PSMD14: variants seen among roughly 807,000 people sequenced by gnomAD.
PSMD14 encodes proteasome 26S subunit, non-ATPase 14.
PSMD14 carries 7 observed loss-of-function variants against 41.2 expected under a neutral mutation model. The ratio of observed to expected loss-of-function variants is 0.17; its 90% CI spans 0.10 to 0.32. The LOEUF is 0.32. PSMD14 is among the 10% of genes least tolerant of loss of function. PSMD14 has a pLI of 1.00. For synonymous variants in PSMD14, 114 were observed against 122.3 expected, an observed-to-expected ratio of 0.93 and a Z score of 0.45; for missense variants, 139 against 375.6, an observed-to-expected ratio of 0.37 and a Z score of 5.21.
At chr2:161,363,926 G>A (rs1683324423) in intron 3 of PSMD14, among the ~76,000 whole-genome samples, 1 of 152,206 alleles carries the variant, frequency 6.6e-6, no homozygotes, top group Non-Finnish European at 1.5e-5. Context: ...GGTGGCTTGT[G>A]TTAGACAGCT....
At chr2:161,389,204 T>G (rs1222553172) in intron 8 of PSMD14, among the ~76,000 whole-genome samples, 1 of 152,186 alleles carries the variant, frequency 6.6e-6, no homozygotes, top group African/African-American at 2.4e-5. Context: ...GGCTTCTGTA[T>G]GTATTGGCTA....
At chr2:161,310,362 C>CT (rs1167484063) in intron 1 of PSMD14, among the ~76,000 whole-genome samples, 2 of 152,076 alleles carry the variant, frequency 1.3e-5, no homozygotes, top group African/African-American at 2.4e-5. Context: ...AGCAACTGTG[C>CT]TTTTTTAATT....
chr2:161,329,224 A>G (rs1682751825), intron 3 of PSMD14, among the ~76,000 whole-genome samples: 1 of 152,178 alleles, frequency 6.6e-6, no homozygotes, highest in African/African-American at 2.4e-5. Flanking sequence ...ATGTTTTAAA[A>G]TAAATTACAG....
chr2:161,371,374 A>T, intron 7 of PSMD14, 52 bp downstream of exon 7: 1 of 1,507,608 alleles, frequency 6.6e-7, no homozygotes, highest in Non-Finnish European at 9.0e-7. Context: ...CTGTTTACAG[A>T]TACATTAAAT....
intron 3 of PSMD14, among the ~76,000 whole-genome samples, chr2:161,355,458 T>TC (rs1683182335): frequency 6.6e-6 from 1 of 152,168 alleles, no homozygotes; most frequent in Non-Finnish European, 1.5e-5. Flanking sequence ...TCTATAATGC[T>TC]TAAAATTGGC....
intron 3 of PSMD14, among the ~76,000 whole-genome samples, chr2:161,331,256 G>A (rs1466020711): frequency 6.7e-6 from 1 of 150,152 alleles, no homozygotes; most frequent in Non-Finnish European, 1.5e-5. Context: ...GATGTCTTTG[G>A]AATTTTTTTT....
intron 3 of PSMD14, among the ~76,000 whole-genome samples, chr2:161,324,240 A>G (rs1389294933): frequency 6.6e-6 from 1 of 152,244 alleles, no homozygotes; most frequent in African/African-American, 2.4e-5. Context: ...ATCAATGCCT[A>G]ATCCAGAGCC....
intron 7 of PSMD14, among the ~76,000 whole-genome samples, chr2:161,380,429 A>G (rs1309967610): frequency 6.6e-6 from 1 of 152,030 alleles, no homozygotes; most frequent in Non-Finnish European, 1.5e-5. Context: ...TCATTAAAGC[A>G]TATACGTTCA....
At chr2:161,391,051 T>C (rs1683704599) in intron 8 of PSMD14, 53 bp from the exon 9 acceptor site, 3 of 1,388,238 alleles carry the variant, frequency 2.2e-6, no homozygotes, top group South Asian at 1.7e-5. Flanking sequence ...TCAAACATTT[T>C]TATTAGGTGA....
chr2:161,411,280 T>C (rs765063565), intron 11 of PSMD14, 22 bp from the exon 12 acceptor site: 1 of 1,527,852 alleles, frequency 6.5e-7, no homozygotes, highest in South Asian at 1.2e-5. Flanking sequence ...TGTTTTCTCT[T>C]TCCTCATTTT....
At chr2:161,406,279 T>C (rs1240286547) in intron 10 of PSMD14, among the ~76,000 whole-genome samples, 1 of 152,170 alleles carries the variant, frequency 6.6e-6, no homozygotes, top group Non-Finnish European at 1.5e-5. Flanking sequence ...GTGCAGACCG[T>C]GCATGATGGG....
At chr2:161,365,183 G>A (rs13430019) in intron 3 of PSMD14, among the ~76,000 whole-genome samples, 43,854 of 152,100 alleles carry the variant, frequency 0.29, 6,850 homozygotes, top group East Asian at 0.54. Context: ...TTTCTTGTTA[G>A]TATGTTTCTG....
intron 3 of PSMD14, among the ~76,000 whole-genome samples, chr2:161,324,990 G>C (rs1340541991): frequency 6.6e-6 from 1 of 152,038 alleles, no homozygotes; most frequent in African/African-American, 2.4e-5. Flanking sequence ...CTTTTAGCCA[G>C]GTCCATTATT....
chr2:161,393,660 AAT>A (rs1467106573), intron 9 of PSMD14, among the ~76,000 whole-genome samples: 2 of 152,122 alleles, frequency 1.3e-5, no homozygotes, highest in East Asian at 3.9e-4. Flanking sequence ...TTTAAAGTAT[AAT>A]GGTTCTATTG....
At chr2:161,399,659 C>T (rs561524029) in intron 10 of PSMD14, among the ~76,000 whole-genome samples, 54 of 151,896 alleles carry the variant, frequency 3.6e-4, no homozygotes, top group Non-Finnish European at 7.2e-4. Context: ...GGTGTATAAA[C>T]ATGGAAAAGT....
intron 3 of PSMD14, among the ~76,000 whole-genome samples, chr2:161,357,790 C>T (rs927257262): frequency 6.6e-6 from 1 of 151,998 alleles, no homozygotes; most frequent in Non-Finnish European, 1.5e-5. Flanking sequence ...TTTTATGTAG[C>T]TTAAGTACCT....
At chr2:161,370,314 A>G in intron 6 of PSMD14, 137 bp downstream of exon 6, 1 of 665,096 alleles carries the variant, frequency 1.5e-6, no homozygotes, top group Non-Finnish European at 2.5e-6. Context: ...TGTAAATATC[A>G]GTGCCATGCA....
intron 3 of PSMD14, among the ~76,000 whole-genome samples, chr2:161,366,420 A>G: frequency 6.7e-6 from 1 of 148,928 alleles, no homozygotes; most frequent in Admixed American, 6.7e-5. Flanking sequence ...ACACACACAC[A>G]CAAAAGCACA....
chr2:161,360,251 G>A (rs1042488691), intron 3 of PSMD14, among the ~76,000 whole-genome samples: 2 of 149,136 alleles, frequency 1.3e-5, no homozygotes, highest in African/African-American at 2.5e-5. Flanking sequence ...GTGCAGTGGC[G>A]AGATCATGAC....
Sources: allele counts gnomAD v4.1 joint callset (sites outside exome capture counted in the v4.1 genomes callset), GRCh38; gene constraint gnomAD v4.1.1; transcripts MANE v1.5; gene names NCBI Gene and HGNC (gene_info 2026-07-23, HGNC 2026-07-21).